The following ATRNL1 variants were observed in gnomAD, a reference collection of about 807,000 sequenced individuals.
ATRNL1 encodes attractin like 1.
A neutral mutation model predicts 182.7 loss-of-function variants in ATRNL1; 95 were observed. That is an observed-to-expected ratio of 0.52 (90% CI 0.44 to 0.62). The LOEUF is 0.62. Ranked by LOEUF, ATRNL1 falls within the 20% of genes least tolerant of loss-of-function variation. The pLI is 0.00. For missense variants in ATRNL1, 1,471 were observed against 1,679.5 expected, an observed-to-expected ratio of 0.88 and a Z score of 2.17; for synonymous variants, 576 against 568.3, an observed-to-expected ratio of 1.01 and a Z score of -0.19.
intron 28 of ATRNL1, among the ~76,000 whole-genome samples, chr10:115,928,072 G>C (rs577993304): frequency 2.0e-5 from 3 of 152,052 alleles, no homozygotes; most frequent in African/African-American, 4.8e-5. Context: ...AATTTCTAAG[G>C]CTCCTTCCAG....
In ATRNL1 at chr10:115,539,335, A is replaced by G. The variant is rs186859184; in HGVS notation, c.3717-10123A>G. 2.1e-3 allele frequency among the ~76,000 whole-genome samples: 317 copies of G among 152,350 alleles called. 1 individual carries two copies. The highest frequency in any genetic ancestry group is 7.1e-3 in the African/African-American group (297 of 41,582). Reference sequence around the variant, plus strand: ...ACATTCACCATAGGGTTCCAGTTCCAGGTAAGATTGTGTAAACACACATCT... The same window carrying G: ...ACATTCACCATAGGGTTCCAGTTCCGGGTAAGATTGTGTAAACACACATCT... On this transcript the variant is annotated intron_variant, in intron 25 of 28. Transcript: ENST00000355044.
chr10:115,340,147 TC>T (rs1233944253), intron 19 of ATRNL1, among the ~76,000 whole-genome samples: 1 of 152,188 alleles, frequency 6.6e-6, no homozygotes, highest in Non-Finnish European at 1.5e-5. Flanking sequence ...CCTGTAGTTT[TC>T]TTTGTTTGTT....
intron 27 of ATRNL1, among the ~76,000 whole-genome samples, chr10:115,827,694 C>A (rs12255727): frequency 0.047 from 7,099 of 152,190 alleles, 216 homozygotes; most frequent in South Asian, 0.084. Flanking sequence ...ATGAGAGCTG[C>A]CTTGTCAACA....
At chr10:115,135,383 C>T (rs1174966495) in intron 5 of ATRNL1, among the ~76,000 whole-genome samples, 1 of 152,130 alleles carries the variant, frequency 6.6e-6, no homozygotes, top group African/African-American at 2.4e-5. Flanking sequence ...CATTCTTATA[C>T]ACCAATAACA....
chr10:115,846,771 A>T (rs79345558), intron 27 of ATRNL1, among the ~76,000 whole-genome samples: 5,965 of 152,178 alleles, frequency 0.039, 316 homozygotes, highest in African/African-American at 0.11. Context: ...TTGCATATGC[A>T]CACATGTCAT....
chr10:115,730,253 C>CAAAA (rs535690432), intron 27 of ATRNL1, among the ~76,000 whole-genome samples: 74 of 61,418 alleles, frequency 1.2e-3, no homozygotes, highest in Middle Eastern at 0.017. Context: ...TAGGACTCCT[C>CAAAA]AAAAAAAAAA....
At chr10:115,360,413 T>G (rs1006018112) in intron 19 of ATRNL1, among the ~76,000 whole-genome samples, 1 of 151,820 alleles carries the variant, frequency 6.6e-6, no homozygotes, top group Non-Finnish European at 1.5e-5. Context: ...TTCATGGCTT[T>G]CAGTTAAACA....
At chr10:115,489,719 T>C (rs1379771420) in intron 24 of ATRNL1, among the ~76,000 whole-genome samples, 12 of 152,206 alleles carry the variant, frequency 7.9e-5, no homozygotes, top group Admixed American at 4.6e-4. Flanking sequence ...ATTTAGCCCA[T>C]TTACAGTTAA....
At chr10:115,254,984 C>A (rs1237501911) in intron 10 of ATRNL1, among the ~76,000 whole-genome samples, 2 of 152,064 alleles carry the variant, frequency 1.3e-5, no homozygotes, top group African/African-American at 2.4e-5. Flanking sequence ...TGTTCTGTTC[C>A]ATTGGTCTAT....
chr10:115,436,246 G>C lies in ATRNL1; in HGVS notation c.3322+9944G>C, dbSNP rs553259989. Among the ~76,000 whole-genome samples the C allele has an allele frequency of 2.0e-5, 3 of 152,160 alleles. No individual in the cohort carries two copies. In the East Asian group the frequency reaches 5.8e-4, roughly 29 times the overall value. On this transcript the variant is annotated intron_variant, in intron 21 of 28. Coordinates refer to ENST00000355044, the MANE Select transcript of ATRNL1 (RefSeq NM_207303.4). ...ATTCATCATTGCAGGATAATTGAAA[G>C]TTTAGTGATTTTGAGCTATTATGAA...
At chr10:115,239,465 A>G (rs992358777) in intron 9 of ATRNL1, among the ~76,000 whole-genome samples, 22 of 152,102 alleles carry the variant, frequency 1.4e-4, no homozygotes, top group Admixed American at 1.3e-3. Flanking sequence ...AACTCCTGAC[A>G]TCGTGATTCG....
chr10:115,880,770 G>T (rs913711244), intron 28 of ATRNL1, among the ~76,000 whole-genome samples: 1 of 152,198 alleles, frequency 6.6e-6, no homozygotes, highest in Non-Finnish European at 1.5e-5. Context: ...AGTCTTTTGT[G>T]CATGTACGAG....
At chr10:115,598,587 C>A (rs1856412825) in intron 26 of ATRNL1, among the ~76,000 whole-genome samples, 1 of 151,822 alleles carries the variant, frequency 6.6e-6, no homozygotes, top group Non-Finnish European at 1.5e-5. Flanking sequence ...TGGTCTCAAT[C>A]TGCTGACCTT....
chr10:115,785,457 A>C (rs1353206621), intron 27 of ATRNL1, among the ~76,000 whole-genome samples: 7 of 152,214 alleles, frequency 4.6e-5, no homozygotes, highest in Non-Finnish European at 1.0e-4. Context: ...CAAGCCTAGC[A>C]GTGCTTGTTG....
chr10:115,232,455 T>C (rs923922424), intron 9 of ATRNL1, among the ~76,000 whole-genome samples: 1 of 152,210 alleles, frequency 6.6e-6, no homozygotes, highest in Non-Finnish European at 1.5e-5. Context: ...TTGATAATAA[T>C]TTTTTGTTAG....
intron 26 of ATRNL1, among the ~76,000 whole-genome samples, chr10:115,554,514 T>C (rs1853198224): frequency 6.6e-6 from 1 of 151,668 alleles, no homozygotes; most frequent in Admixed American, 6.6e-5. Flanking sequence ...TATCAATTTC[T>C]TGCTATATTA....
intron 26 of ATRNL1, among the ~76,000 whole-genome samples, chr10:115,707,266 C>A (rs1293854534): frequency 6.6e-6 from 1 of 151,714 alleles, no homozygotes; most frequent in Non-Finnish European, 1.5e-5. Context: ...AGCTAATATT[C>A]TTCTTCTTTC....
intron 13 of ATRNL1, among the ~76,000 whole-genome samples, chr10:115,272,935 T>G (rs1307368120): frequency 6.6e-6 from 1 of 152,156 alleles, no homozygotes; most frequent in Non-Finnish European, 1.5e-5. Context: ...TTCTGTAAGT[T>G]TACTGATGGC....
intron 26 of ATRNL1, among the ~76,000 whole-genome samples, chr10:115,616,924 A>G (rs1004335825): frequency 6.6e-6 from 1 of 152,190 alleles, no homozygotes; most frequent in African/African-American, 2.4e-5. Flanking sequence ...CAGAGCGGAT[A>G]TGTCAGGTTG....
Sources: allele counts gnomAD v4.1 joint callset (sites outside exome capture counted in the v4.1 genomes callset), GRCh38; gene constraint gnomAD v4.1.1; transcripts MANE v1.5; gene names NCBI Gene and HGNC (gene_info 2026-07-23, HGNC 2026-07-21).